SYCP2: variants seen among roughly 807,000 people sequenced by gnomAD.
SYCP2 encodes the protein synaptonemal complex lateral element protein.
A neutral mutation model predicts 211.3 loss-of-function variants in SYCP2; 55 were observed. The observed-to-expected ratio is 0.26, with a 90% CI of 0.21 to 0.33. The LOEUF is 0.33. Ranked by LOEUF, SYCP2 falls within the 10% of genes least tolerant of loss-of-function variation. The pLI is 1.00. For synonymous variants in SYCP2, 570 were observed against 555.2 expected (o/e 1.03, Z -0.37); for missense variants, 1,731 against 1,752.0 (o/e 0.99, Z 0.21).
intron 15 of SYCP2, among the ~76,000 whole-genome samples, chr20:59,907,146 G>A (rs1230282262): frequency 1.3e-5 from 2 of 152,108 alleles, no homozygotes; most frequent in Non-Finnish European, 2.9e-5. Flanking sequence ...CTGGATCACT[G>A]GTTTTAGACT....
At chr20:59,926,362 G>C (rs985477178) in intron 2 of SYCP2, among the ~76,000 whole-genome samples, 2 of 151,976 alleles carry the variant, frequency 1.3e-5, no homozygotes, top group African/African-American at 4.8e-5. Context: ...GAAAGTGCTG[G>C]AAGAAGGATC....
chr20:59,874,626 G>C (rs940227655), intron 34 of SYCP2, among the ~76,000 whole-genome samples: 1 of 152,002 alleles, frequency 6.6e-6, no homozygotes, highest in African/African-American at 2.4e-5. Context: ...AGAGGAAGCA[G>C]AAGTATACTA....
In SYCP2 at chr20:59,865,630, T is replaced by C. The variant is rs375511850; in HGVS notation, c.4401A>G (p.Ser1467=). 7 of 1,599,750 alleles carry C rather than the reference T, an allele frequency of 4.4e-6. No individual in the cohort carries two copies. The East Asian group carries it at 6.7e-5, about 15-fold the overall frequency. Residue 1467 remains serine (S), a synonymous_variant, in exon 43 of 45, where the codon TCA becomes TCG. Transcript: ENST00000357552. ...EQQRLHLLKT[S]LAKSVFCNTD... is the part of the protein sequence containing the mutation. Reference sequence around the variant, plus strand: ...TATTACAGAAGACACTTTTAGCCAATGAAGTTTTCAAAAGATGAAGCCTAA... The same window carrying C: ...TATTACAGAAGACACTTTTAGCCAACGAAGTTTTCAAAAGATGAAGCCTAA...
intron 9 of SYCP2, 119 bp downstream of exon 9, chr20:59,915,346 A>C: frequency 1.0e-6 from 1 of 975,524 alleles, no homozygotes; most frequent in South Asian, 1.5e-5. Context: ...ACACTAAATT[A>C]TATTAAAAAG....
intron 7 of SYCP2, among the ~76,000 whole-genome samples, chr20:59,918,264 G>A (rs2060479381): frequency 6.6e-6 from 1 of 152,164 alleles, no homozygotes; most frequent in Non-Finnish European, 1.5e-5. Context: ...AAAATTACAA[G>A]ATAAAATTAT....
At position 59,930,587 on chromosome 20, in the gene SYCP2, T is replaced by A. The variant is rs542721623; in HGVS notation, c.-47+1475A>T. 3.1e-4 allele frequency among the ~76,000 whole-genome samples: 47 copies of A among 152,320 alleles called. 1 individual carries two copies. In the South Asian group the frequency reaches 9.3e-3, roughly 30 times the overall value. On this transcript the variant is annotated intron_variant, in intron 2 of 44. Transcript: ENST00000357552. ...ATTTGCAACAGTAGCACATGGTGGC[T>A]GAGGAACATTCTGTAGTAGTAAGCA...
rs1600856276 is a variant in SYCP2 at position 59,885,937 on chromosome 20, T to G, written c.2520A>C (p.Gln840His). ...NSGFSNKPVV[Q>H]LSKEKVQKKS... ...AGTAAATAACACCTACCTTACTGAG[T>G]TGTACAACAGGTTTGTTTGAAAAAC... Residue 840 changes from glutamine to histidine, a missense_variant, in exon 26 of 45, where the codon CAA (glutamine) becomes CAC (histidine). Gln to His is a conservative substitution (Grantham distance 24). Coordinates refer to ENST00000357552, the MANE Select transcript of SYCP2 (RefSeq NM_014258.4). The G allele has an allele frequency of 1.9e-6, 3 of 1,600,086 alleles. No individual in the cohort carries two copies. Among genetic ancestry groups the G allele is most frequent in the Non-Finnish European group, 2.6e-6 (3 of 1,174,756 alleles).
chr20:59,902,985 T>C (rs73309255), intron 15 of SYCP2, among the ~76,000 whole-genome samples: 4,668 of 152,252 alleles, frequency 0.031, 224 homozygotes, highest in African/African-American at 0.1. Flanking sequence ...TGACTTTTTT[T>C]CTATAGCTTA....
intron 42 of SYCP2, 29 bp downstream of exon 42, chr20:59,865,778 A>C (rs1052755236): frequency 4.8e-6 from 6 of 1,242,236 alleles, no homozygotes; most frequent in African/African-American, 1.6e-5. Context: ...AATTTTATAG[A>C]TTATAGCCAT....
At chr20:59,891,496 A>G (rs1473479550) in intron 24 of SYCP2, among the ~76,000 whole-genome samples, 2 of 151,780 alleles carry the variant, frequency 1.3e-5, no homozygotes, top group South Asian at 2.1e-4. Context: ...CTTCTAACCC[A>G]TTCACATACT....
Position 59,900,808 on chromosome 20 carries a change from C to T in SYCP2, c.1193G>A (p.Arg398Lys). The T allele has an allele frequency of 6.2e-7, 1 of 1,610,300 alleles. No homozygotes were observed. The highest frequency in any genetic ancestry group is 1.3e-5 in the African/African-American group (1 of 74,900). The change falls in exon 17 of 45, where the codon AGA (arginine) becomes AAA (lysine). Residue 398 changes from arginine (R) to lysine (K), a missense_variant. Around this residue, in one of 3 missense-constraint regions of SYCP2, gnomAD observed 1,387 missense variants for 1,351.3 expected, o/e 1.03. Coordinates refer to ENST00000357552, the MANE Select transcript of SYCP2 (RefSeq NM_014258.4). ...FGATKHRESI[R>K]KQGISVAKTS... The stretch of plus-strand genomic sequence containing the variant: ...TTTGGCAACTGAAATACCTTGTTTT[C>T]TGATAGATTCCTAAAATTAAATCAA...
chr20:59,931,338 T>A (rs1052797537), intron 2 of SYCP2, among the ~76,000 whole-genome samples: 1 of 152,200 alleles, frequency 6.6e-6, no homozygotes, highest in Non-Finnish European at 1.5e-5. Flanking sequence ...CAGGTTTCAG[T>A]GAGCCATGTT....
Position 59,863,882 on chromosome 20 carries a change from C to T in SYCP2, c.*429G>A, listed in dbSNP as rs2145568290. The T allele has an allele frequency of 6.6e-6, 1 of 152,314 alleles. No homozygotes were observed. The highest frequency in any genetic ancestry group is 2.4e-5 in the African/African-American group (1 of 41,502). 9.4% of individuals were successfully genotyped at this position (152,314 alleles called of 1,614,324 possible). On this transcript the variant is annotated 3_prime_UTR_variant, in exon 45 of 45. Transcript: ENST00000357552. ...ACATTTTAAACTAGGGACTTCCTCCCCCTTGTAAGTGTGGCTAAATTTTTA... is the reference window on the plus strand; with the variant it reads ...ACATTTTAAACTAGGGACTTCCTCCTCCTTGTAAGTGTGGCTAAATTTTTA...
intron 13 of SYCP2, 119 bp downstream of exon 13, chr20:59,912,254 C>A: frequency 3.7e-6 from 2 of 536,830 alleles, no homozygotes; most frequent in Non-Finnish European, 6.7e-6. Flanking sequence ...ACTAGACCAG[C>A]TACATTCATG....
intron 25 of SYCP2, among the ~76,000 whole-genome samples, chr20:59,886,202 C>T (rs2059784669): frequency 6.6e-6 from 1 of 151,900 alleles, no homozygotes; most frequent in African/African-American, 2.4e-5. Context: ...ATGAATGATT[C>T]CACCATAAGA....
At chr20:59,876,585 C>G (rs1440827724) in intron 33 of SYCP2, among the ~76,000 whole-genome samples, 3 of 151,610 alleles carry the variant, frequency 2.0e-5, no homozygotes, top group Non-Finnish European at 4.4e-5. Flanking sequence ...CTAGACCTAC[C>G]ACTTCCTAGT....
intron 25 of SYCP2, 127 bp downstream of exon 25, chr20:59,886,580 G>C (rs2059792887): frequency 1.7e-6 from 1 of 602,380 alleles, no homozygotes. Context: ...AAAGTATTAA[G>C]TAACCATGTG....
chr20:59,895,933 AG>A (rs1239212293), intron 19 of SYCP2, among the ~76,000 whole-genome samples: 1 of 152,124 alleles, frequency 6.6e-6, no homozygotes, highest in Non-Finnish European at 1.5e-5. Context: ...ACACAGTATC[AG>A]GTTTTTTAAA....
rs2059283011 is a variant in SYCP2, at chr20:59,864,096, A to G, written c.*215T>C. ...CTTTTATCTCCAAAATTAAAAAAAA[A>G]TATTGTATAGACAGAAGTCTTCTGG... On this transcript the variant is annotated 3_prime_UTR_variant, in exon 45 of 45. Transcript: ENST00000357552. 3.0e-6 allele frequency: 1 copy of G among 330,706 alleles called. No individual in the cohort carries two copies. Among genetic ancestry groups the G allele is most frequent in the African/African-American group, 2.1e-5 (1 of 46,830 alleles). 20.5% of individuals were successfully genotyped at this position (330,706 alleles called of 1,614,324 possible).
Sources: gnomAD v4.1 joint callset for allele counts (sites outside exome capture counted in the v4.1 genomes callset) on GRCh38, gnomAD v4.1.1 for gene constraint, gnomAD v4.1.1 regional missense constraint, MANE v1.5 for transcripts, NCBI Gene and HGNC (gene_info 2026-07-23, HGNC 2026-07-21) for gene names.